The following SYT10 variants were observed in gnomAD, a reference collection of about 807,000 sequenced individuals.
The protein encoded by SYT10 is synaptotagmin 10.
SYT10 carries 31 observed loss-of-function variants against 51.1 expected under a neutral mutation model. The observed-to-expected ratio is 0.61, with a 90% CI of 0.46 to 0.82. SYT10 has a LOEUF of 0.82. Ranked by LOEUF, SYT10 falls within the 40% of genes least tolerant of loss-of-function variation. SYT10 has a pLI of 0.00. For missense variants in SYT10, 603 were observed against 634.0 expected (o/e 0.95, Z 0.53); for synonymous variants, 233 against 225.9 (o/e 1.03, Z -0.28).
intron 5 of SYT10, among the ~76,000 whole-genome samples, chr12:33,381,424 G>A (rs1866114776): frequency 6.6e-6 from 1 of 152,096 alleles, no homozygotes; most frequent in Admixed American, 6.6e-5. Flanking sequence ...CTAAGGTACT[G>A]TTTATGTGTT....
At chr12:33,409,333 C>T (rs1320885279) in intron 2 of SYT10, among the ~76,000 whole-genome samples, 1 of 151,802 alleles carries the variant, frequency 6.6e-6, no homozygotes, top group Non-Finnish European at 1.5e-5. Flanking sequence ...TCTCCTGCCT[C>T]AGGCTCCCAA....
Position 33,439,582 on chromosome 12 carries a change from G to GTA in SYT10, c.-62_-61dup, listed in dbSNP as rs1866667822. ...CAGTTAGCCGTCTTTTCCTCTTCCC[G>GTA]TACCTCTAACCCCTCTGGCGCCCTA... On this transcript the variant is annotated 5_prime_UTR_variant, in exon 1 of 7. Coordinates refer to ENST00000228567, the MANE Select transcript of SYT10 (RefSeq NM_198992.4). 1 of 1,582,510 alleles carries GTA rather than the reference G, an allele frequency of 6.3e-7. No individual in the cohort carries two copies. Among genetic ancestry groups the GTA allele is most frequent in the Non-Finnish European group, 8.6e-7 (1 of 1,162,914 alleles).
intron 3 of SYT10, among the ~76,000 whole-genome samples, chr12:33,394,648 T>C (rs1191824258): frequency 2.6e-5 from 4 of 152,238 alleles, no homozygotes; most frequent in Non-Finnish European, 4.4e-5. Context: ...TCTCTTTTTG[T>C]GGATGAAGAA....
chr12:33,415,759 G>A (rs1269517315), intron 2 of SYT10, among the ~76,000 whole-genome samples: 5 of 151,934 alleles, frequency 3.3e-5, no homozygotes, highest in Admixed American at 3.3e-4. Flanking sequence ...ATTTTCTCCC[G>A]TTCAATTTGA....
intron 3 of SYT10, among the ~76,000 whole-genome samples, chr12:33,388,159 T>A (rs1866174708): frequency 6.6e-6 from 1 of 152,008 alleles, no homozygotes; most frequent in African/African-American, 2.4e-5. Context: ...GAATAGCAAA[T>A]TGGAATCTTT....
At chr12:33,437,603 G>A (rs1048438479) in intron 1 of SYT10, among the ~76,000 whole-genome samples, 1 of 152,178 alleles carries the variant, frequency 6.6e-6, no homozygotes, top group African/African-American at 2.4e-5. Context: ...GCAGGAAAGA[G>A]GAAAATCAGT....
At chr12:33,412,210 T>C (rs1866412679) in intron 2 of SYT10, among the ~76,000 whole-genome samples, 1 of 144,836 alleles carries the variant, frequency 6.9e-6, no homozygotes, top group African/African-American at 2.6e-5. Context: ...ATGACTCTGA[T>C]TATATTTTTG....
intron 2 of SYT10, chr12:33,408,412 T>C (rs1866377756): frequency 6.6e-6 from 1 of 152,188 alleles, no homozygotes; most frequent in Non-Finnish European, 1.5e-5. Context: ...TCACTATTAC[T>C]ACTCATCTAG....
rs577932431 is a variant in SYT10, at chr12:33,376,056, A to T, written c.*774T>A. 1.6e-4 allele frequency: 25 copies of T among 152,534 alleles called. No homozygotes were observed. Among genetic ancestry groups the T allele is most frequent in the Admixed American group, 3.3e-4 (5 of 15,300 alleles). 9.4% of individuals were successfully genotyped at this position (152,534 alleles called of 1,614,324 possible). A position where few individuals can be genotyped will look rare whatever the true frequency, so the allele number is the denominator to read the frequency against. On this transcript the variant is annotated 3_prime_UTR_variant, in exon 7 of 7. Transcript: ENST00000228567. ...TACTAATGCTACATTTGAGATGAAG[A>T]TTATTAGAATTTTAAAAATATCAGT...
At chr12:33,396,380 G>A (rs1866255991) in intron 3 of SYT10, among the ~76,000 whole-genome samples, 1 of 152,108 alleles carries the variant, frequency 6.6e-6, no homozygotes, top group South Asian at 2.1e-4. Context: ...ACATTGGACA[G>A]AAATGAAAAT....
At chr12:33,389,629 T>G (rs546418544) in intron 3 of SYT10, among the ~76,000 whole-genome samples, 1 of 152,226 alleles carries the variant, frequency 6.6e-6, no homozygotes, top group African/African-American at 2.4e-5. Context: ...GTAAGAATCA[T>G]TAACACGTAT....
chr12:33,387,747 G>GTTTTTTTT (rs34524429), intron 3 of SYT10, among the ~76,000 whole-genome samples: 1 of 122,680 alleles, frequency 8.2e-6, no homozygotes, highest in African/African-American at 3.1e-5. Context: ...CTTCTAACAT[G>GTTTTTTTT]TTTTTTTTTT....
At chr12:33,409,508 G>A (rs528561935) in intron 2 of SYT10, among the ~76,000 whole-genome samples, 1 of 145,670 alleles carries the variant, frequency 6.9e-6, no homozygotes, top group Non-Finnish European at 1.5e-5. Context: ...TGAGAACATT[G>A]ATTTCTTTTC....
chr12:33,398,016 G>T (rs535679355), intron 3 of SYT10, among the ~76,000 whole-genome samples: 1 of 152,204 alleles, frequency 6.6e-6, no homozygotes, highest in African/African-American at 2.4e-5. Context: ...AATAGGTAGA[G>T]TCAGAAATCG....
chr12:33,380,051 T>G (rs979202293), intron 5 of SYT10, 90 bp from the exon 6 acceptor site: 2 of 1,396,902 alleles, frequency 1.4e-6, no homozygotes, highest in African/African-American at 2.9e-5. Flanking sequence ...AAAATATGAT[T>G]AAAACATTAG....
At chr12:33,397,476 A>G (rs2138403440) in intron 3 of SYT10, among the ~76,000 whole-genome samples, 1 of 152,304 alleles carries the variant, frequency 6.6e-6, no homozygotes, top group East Asian at 1.9e-4. Flanking sequence ...TTGCAGGGGA[A>G]GAGAGCAATG....
At chr12:33,379,757 A>G (rs1866097655) in intron 6 of SYT10, 75 bp downstream of exon 6, 1 of 1,558,178 alleles carries the variant, frequency 6.4e-7, no homozygotes, top group Non-Finnish European at 8.7e-7. Context: ...AATATCAGAT[A>G]AAGGTTAGCA....
intron 5 of SYT10, among the ~76,000 whole-genome samples, chr12:33,382,067 A>G (rs1171377492): frequency 2.6e-5 from 4 of 152,144 alleles, no homozygotes; most frequent in Non-Finnish European, 4.4e-5. Flanking sequence ...CTCTGTTGTT[A>G]CTATAAAAAG....
chr12:33,398,219 A>G (rs1866273223), intron 3 of SYT10, among the ~76,000 whole-genome samples: 1 of 152,138 alleles, frequency 6.6e-6, no homozygotes, highest in African/African-American at 2.4e-5. Context: ...TATAAAAAGA[A>G]GCAATAGTAT....
Sources: allele counts gnomAD v4.1 joint callset (sites outside exome capture counted in the v4.1 genomes callset), GRCh38; gene constraint gnomAD v4.1.1; transcripts MANE v1.5; gene names NCBI Gene and HGNC (gene_info 2026-07-23, HGNC 2026-07-21).